The following MAP3K3 variants were observed in gnomAD, a reference collection of about 807,000 sequenced individuals.
MAP3K3 encodes MAP/ERK kinase kinase 3.
Under a neutral mutation model 80.9 loss-of-function variants are expected in MAP3K3, and 12 were observed. The observed-to-expected ratio is 0.15, with a 90% CI of 0.10 to 0.24. The LOEUF (loss-of-function observed/expected upper bound fraction) is 0.24, where lower values mean the gene tolerates loss of function less well. Among genes scored for constraint, MAP3K3 ranks in the 10% least tolerant of loss-of-function variants. MAP3K3 has a pLI of 1.00. For missense variants in MAP3K3, 596 were observed against 834.7 expected, an observed-to-expected ratio of 0.71 and a Z score of 3.52; for synonymous variants, 272 against 307.1, an observed-to-expected ratio of 0.89 and a Z score of 1.19.
Position 63,622,750 on chromosome 17 carries a change from C to A in MAP3K3, c.-10C>A. The A allele has an allele frequency of 1.9e-6, 1 of 526,698 alleles. No individual in the cohort carries two copies. The highest frequency in any genetic ancestry group is 1.5e-5 in the South Asian group (1 of 64,710). 32.6% of individuals were successfully genotyped at this position (526,698 alleles called of 1,614,324 possible). On this transcript the variant is annotated 5_prime_UTR_variant, in exon 1 of 16. Coordinates refer to ENST00000361733, the MANE Select transcript of MAP3K3 (RefSeq NM_002401.5). ...CACGGACCTTAGCCACCGCCGCCGC[C>A]ATCGCCACCATGGGTAAGTGTCGCC...
At chr17:63,673,632 G>A (rs1312549533) in intron 6 of MAP3K3, among the ~76,000 whole-genome samples, 3 of 152,102 alleles carry the variant, frequency 2.0e-5, no homozygotes, top group East Asian at 1.9e-4. Flanking sequence ...ACTTGTCGGC[G>A]GGGTGCAGTG....
chr17:63,663,448 G>A lies in MAP3K3; in HGVS notation c.382-3492G>A, dbSNP rs536453483. Among the ~76,000 whole-genome samples, 6 of 151,860 alleles carry A rather than the reference G, an allele frequency of 4.0e-5. No homozygotes were observed. In the South Asian group the frequency reaches 1.0e-3, roughly 26 times the overall value. On this transcript the variant is annotated intron_variant, in intron 5 of 15. Coordinates refer to ENST00000361733, the MANE Select transcript of MAP3K3 (RefSeq NM_002401.5). Reference sequence around the variant, plus strand: ...ACCTGGGAGGCGGAGGTTGCAGTGAGCCGAGATTGTGCCATTGCACTCCAG... The same window carrying A: ...ACCTGGGAGGCGGAGGTTGCAGTGAACCGAGATTGTGCCATTGCACTCCAG...
chr17:63,689,815 G>A lies in MAP3K3; in HGVS notation c.1063+80G>A. On this transcript the variant is annotated intron_variant, in intron 11 of 15. Transcript: ENST00000361733. The surrounding 1 kb of genome is among the most constrained non-coding windows in gnomAD (Gnocchi z 4.3). ...ACGGGGGCAAACAGCTGGGCCCCTG[G>A]GACCCTTAGGCTCAGCAGGTGGTGG... 1 of 1,398,918 alleles carries A rather than the reference G, an allele frequency of 7.1e-7. No homozygotes were observed. The highest frequency in any genetic ancestry group is 2.5e-5 in the East Asian group (1 of 40,282). The allele number at this position is 1,398,918 out of a possible 1,614,324, so 86.7% of individuals were successfully genotyped here.
chr17:63,634,691 GTTTTTTTGTTTTTAAAGAAAAAA>G (rs1568123866), intron 2 of MAP3K3: 1 of 1,602,616 alleles, frequency 6.2e-7, no homozygotes, highest in Non-Finnish European at 8.5e-7. Context: ...ATTAACCTCA[GTTTTTTTGTTTTTAAAGAAAAAA>G]CACAACAGCA....
rs2034681041 is a variant in MAP3K3 at position 63,652,647 on chromosome 17, G to A, written c.258G>A (p.Met86Ile). The change falls in exon 4 of 16, where the codon ATG (methionine) becomes ATA (isoleucine). Residue 86 changes from methionine to isoleucine, a missense_variant. Coordinates refer to ENST00000361733, the MANE Select transcript of MAP3K3 (RefSeq NM_002401.5). ...VFGQPLDLHY[M>I]NNELSILLKN... Reference sequence around the variant, plus strand: ...GACAACCTCTTGATCTACATTACATGAACAATGAGGTGAGAAGGCAGATGG... The same window carrying A: ...GACAACCTCTTGATCTACATTACATAAACAATGAGGTGAGAAGGCAGATGG... 8.7e-6 allele frequency: 14 copies of A among 1,610,442 alleles called. No homozygotes were observed. Among genetic ancestry groups the A allele is most frequent in the African/African-American group, 1.3e-5 (1 of 74,860 alleles).
intron 2 of MAP3K3, among the ~76,000 whole-genome samples, chr17:63,638,288 T>C (rs1001180214): frequency 4.6e-5 from 7 of 152,136 alleles, no homozygotes; most frequent in East Asian, 3.9e-4. Flanking sequence ...ATTCCAGAAA[T>C]GTGGGGAGGC....
At position 63,691,200 on chromosome 17, in the gene MAP3K3, G is replaced by C; in HGVS notation, c.1311G>C (p.Lys437Asn). The C allele has an allele frequency of 1.2e-6, 2 of 1,614,180 alleles. No homozygotes were observed. The highest frequency in any genetic ancestry group is 2.2e-5 in the South Asian group (2 of 91,090). Reference sequence around the variant, plus strand: ...GCTGTCTGCGGGACCGCGCTGAGAAGACCCTGACCATCTTCATGGAGTACA... The same window carrying C: ...GCTGTCTGCGGGACCGCGCTGAGAACACCCTGACCATCTTCATGGAGTACA... ...YYGCLRDRAEKTLTIFMEYMP... is the reference protein window; with the variant it reads ...YYGCLRDRAENTLTIFMEYMP... The change falls in exon 13 of 16, where the codon AAG (lysine) becomes AAC (asparagine). Residue 437 changes from lysine to asparagine, a missense_variant. Lys to Asn is a moderately conservative substitution (Grantham distance 94). Coordinates refer to ENST00000361733, the MANE Select transcript of MAP3K3 (RefSeq NM_002401.5). The surrounding 1 kb of genome is among the most constrained non-coding windows in gnomAD (Gnocchi z 4.8).
chr17:63,660,605 T>TA (rs951083955), intron 5 of MAP3K3, among the ~76,000 whole-genome samples: 29 of 151,558 alleles, frequency 1.9e-4, no homozygotes, highest in African/African-American at 7.0e-4. Context: ...TTTTTTTTTT[T>TA]ATTTGAGATG....
At position 63,657,888 on chromosome 17, in the gene MAP3K3, T is replaced by G. The variant is rs2034805288; in HGVS notation, c.362T>G (p.Leu121Trp). The change falls in exon 5 of 16, where the codon TTG becomes TGG. Residue 121 changes from leucine to tryptophan, a missense_variant. Leu to Trp is a moderately conservative substitution (Grantham distance 61). Around this residue, in one of 2 missense-constraint regions of MAP3K3, gnomAD observed 232 missense variants for 245.8 expected, o/e 0.94. Transcript: ENST00000361733. ...SSMKSLRILL[L>W]SQDRNHNSSS... is the part of the protein sequence containing the mutation. ...ATGAAAAGCCTTAGGATATTGCTGTTGTCCCAGGACAGAAACCATGTAAGT... is the reference window on the plus strand; with the variant it reads ...ATGAAAAGCCTTAGGATATTGCTGTGGTCCCAGGACAGAAACCATGTAAGT... 1 of 1,600,640 alleles carries G rather than the reference T, an allele frequency of 6.2e-7. No homozygotes were observed. Among genetic ancestry groups the G allele is most frequent in the African/African-American group, 1.3e-5 (1 of 74,650 alleles).
intron 2 of MAP3K3, among the ~76,000 whole-genome samples, chr17:63,633,939 G>A (rs1388061211): frequency 6.6e-6 from 1 of 152,176 alleles, no homozygotes; most frequent in Non-Finnish European, 1.5e-5. Flanking sequence ...AACTTTTCCT[G>A]TCTGTGGTCT....
At chr17:63,634,876 A>G (rs771594507) in intron 2 of MAP3K3, 11 of 1,274,930 alleles carry the variant, frequency 8.6e-6, no homozygotes, top group Non-Finnish European at 1.2e-5. Flanking sequence ...AGCAGAATTC[A>G]CTTCCCAGAC....
chr17:63,666,760 C>T (rs188835045), intron 5 of MAP3K3, among the ~76,000 whole-genome samples, 180 bp from the exon 6 acceptor site: 14 of 152,194 alleles, frequency 9.2e-5, no homozygotes, highest in African/African-American at 3.4e-4. Context: ...CTACATTGAG[C>T]GAATAGTGGT....
intron 1 of MAP3K3, among the ~76,000 whole-genome samples, chr17:63,630,004 C>T (rs2034183790): frequency 6.6e-6 from 1 of 152,128 alleles, no homozygotes; most frequent in Admixed American, 6.5e-5. Context: ...TATTCACATC[C>T]ATCTTTGTTC....
intron 4 of MAP3K3, among the ~76,000 whole-genome samples, chr17:63,657,214 G>A (rs920269454): frequency 6.6e-6 from 1 of 151,940 alleles, no homozygotes; most frequent in Non-Finnish European, 1.5e-5. Flanking sequence ...AAAGAATATG[G>A]GGGCTGTAAC....
At chr17:63,659,908 A>T (rs1419264640) in intron 5 of MAP3K3, among the ~76,000 whole-genome samples, 1 of 152,140 alleles carries the variant, frequency 6.6e-6, no homozygotes. Flanking sequence ...ATAAGGCTAC[A>T]GTTTTCATTA....
At chr17:63,672,564 A>G (rs1254403646) in intron 6 of MAP3K3, among the ~76,000 whole-genome samples, 1 of 152,142 alleles carries the variant, frequency 6.6e-6, no homozygotes, top group Non-Finnish European at 1.5e-5. Context: ...GCTAGTGAAA[A>G]AATATTGGAA....
intron 3 of MAP3K3, among the ~76,000 whole-genome samples, chr17:63,650,564 A>G (rs1004808002): frequency 5.3e-5 from 8 of 151,436 alleles, no homozygotes; most frequent in African/African-American, 1.9e-4. Flanking sequence ...CAGCCTCCCA[A>G]AGCGCTGGGA....
chr17:63,649,730 CAATTTA>C (rs2034612701), intron 3 of MAP3K3, among the ~76,000 whole-genome samples: 1 of 152,192 alleles, frequency 6.6e-6, no homozygotes, highest in African/African-American at 2.4e-5. Flanking sequence ...TCAGTTTAAT[CAATTTA>C]AATTTAAATA....
At position 63,657,878 on chromosome 17, in the gene MAP3K3, A is replaced by C. The variant is rs1280706133; in HGVS notation, c.352A>C (p.Ile118Leu). The C allele has an allele frequency of 5.6e-6, 9 of 1,604,880 alleles. No homozygotes were observed. The South Asian group carries it at 1.0e-4, about 18-fold the overall frequency. Residue 118 changes from isoleucine to leucine, a missense_variant, in exon 5 of 16, where the codon ATA becomes CTA. Ile to Leu is a conservative substitution (Grantham distance 5, BLOSUM62 2). Coordinates refer to ENST00000361733, the MANE Select transcript of MAP3K3 (RefSeq NM_002401.5). ...DRSSSMKSLR[I>L]LLLSQDRNHN... ...AAGCTCAAGCATGAAAAGCCTTAGGATATTGCTGTTGTCCCAGGACAGAAA... is the reference window on the plus strand; with the variant it reads ...AAGCTCAAGCATGAAAAGCCTTAGGCTATTGCTGTTGTCCCAGGACAGAAA...
Sources: allele counts gnomAD v4.1 joint callset (sites outside exome capture counted in the v4.1 genomes callset), GRCh38; gene constraint gnomAD v4.1.1; regional missense constraint gnomAD v4.1.1; non-coding constraint Gnocchi (gnomAD v3.1); transcripts MANE v1.5; gene names NCBI Gene and HGNC (gene_info 2026-07-23, HGNC 2026-07-21).